Variants in NADK observed in about 807,000 individuals in gnomAD.
NADK encodes the protein poly(P)/ATP NAD kinase.
NADK carries 22 observed loss-of-function variants against 49.8 expected under a neutral mutation model. The observed-to-expected ratio is 0.44, with a 90% CI of 0.32 to 0.63. NADK has a LOEUF of 0.63. Among genes scored for constraint, NADK ranks in the 30% least tolerant of loss-of-function variants. The pLI, the probability that NADK is intolerant of heterozygous loss-of-function variation, is 0.06. For missense variants in NADK, 438 were observed against 609.4 expected, an observed-to-expected ratio of 0.72 and a Z score of 2.96; for synonymous variants, 268 against 253.7, an observed-to-expected ratio of 1.06 and a Z score of -0.54.
intron 1 of NADK, among the ~76,000 whole-genome samples, chr1:1,774,266 T>C (rs757254210): frequency 1.3e-5 from 2 of 151,988 alleles, no homozygotes; most frequent in African/African-American, 2.4e-5. Context: ...GCTTCGCTGA[T>C]GTTGTCCAGG....
chr1:1,772,799 G>C (rs534557550), intron 1 of NADK, among the ~76,000 whole-genome samples: 1 of 152,022 alleles, frequency 6.6e-6, no homozygotes, highest in African/African-American at 2.4e-5. Flanking sequence ...CAGCACTTTC[G>C]GAGGCCAAGG....
intron 2 of NADK, 55 bp from the exon 3 acceptor site, chr1:1,762,090 G>T: frequency 6.9e-7 from 1 of 1,445,470 alleles, no homozygotes. Context: ...GACATGCAGT[G>T]ACAGACACAG....
chr1:1,755,997 C>T (rs1645507076), intron 6 of NADK: 2 of 573,160 alleles, frequency 3.5e-6, no homozygotes, highest in East Asian at 5.8e-5. Context: ...GAGGTCGTTT[C>T]CCAGGACCCA....
intron 1 of NADK, among the ~76,000 whole-genome samples, chr1:1,776,215 T>C (rs1646205610): frequency 2.0e-5 from 3 of 152,120 alleles, no homozygotes; most frequent in South Asian, 2.1e-4. Flanking sequence ...AACTATTGTT[T>C]TCCGTTTTCA....
At chr1:1,776,861 G>A (rs931637031) in intron 1 of NADK, among the ~76,000 whole-genome samples, 2 of 151,350 alleles carry the variant, frequency 1.3e-5, no homozygotes, top group African/African-American at 4.9e-5. Flanking sequence ...AGGATCTCTT[G>A]AGGCCAGGAG....
intron 3 of NADK, chr1:1,759,067 C>T: frequency 6.7e-7 from 1 of 1,497,168 alleles, no homozygotes; most frequent in Non-Finnish European, 9.0e-7. Flanking sequence ...GCACACGGCT[C>T]CCCCTGCTCT....
At chr1:1,764,155 C>T (rs1011559055) in intron 2 of NADK, among the ~76,000 whole-genome samples, 3 of 152,170 alleles carry the variant, frequency 2.0e-5, no homozygotes, top group Non-Finnish European at 2.9e-5. Context: ...ACGTCAGAGG[C>T]GCTACAGGCT....
At chr1:1,755,331 C>G (rs141189970) in intron 7 of NADK, 43 bp downstream of exon 7, 2 of 1,401,084 alleles carry the variant, frequency 1.4e-6, no homozygotes, top group South Asian at 2.3e-5. Context: ...GACAGCAGCG[C>G]CATGATCAGA....
In NADK at chr1:1,755,468, G is replaced by A; in HGVS notation, c.594C>T (p.Val198=). ...LYASSLFQGS[V]PPVMAFHLGS... The stretch of plus-strand genomic sequence containing the variant: ...CCAGGTGGAAGGCCATGACCGGAGG[G>A]ACGCTGCCCTGTGAGCCGACGGAGA... The change falls in exon 7 of 12, where the codon GTC becomes GTT. Residue 198 remains valine (V), a synonymous_variant. Coordinates refer to ENST00000341426, the MANE Select transcript of NADK (RefSeq NM_023018.5). 3 of 1,613,620 alleles carry A rather than the reference G, an allele frequency of 1.9e-6. No individual in the cohort carries two copies. Among genetic ancestry groups the A allele is most frequent in the Non-Finnish European group, 2.5e-6 (3 of 1,179,810 alleles).
At chr1:1,763,693 T>C (rs1645799918) in intron 2 of NADK, among the ~76,000 whole-genome samples, 1 of 151,670 alleles carries the variant, frequency 6.6e-6, no homozygotes, top group South Asian at 2.1e-4. Flanking sequence ...ACTGAAAAGA[T>C]TATTGCGGAA....
chr1:1,761,490 G>C (rs1645724373), intron 3 of NADK, among the ~76,000 whole-genome samples: 1 of 152,186 alleles, frequency 6.6e-6, no homozygotes, highest in Admixed American at 6.5e-5. Context: ...TTTTTCCCAT[G>C]ACACTATGAC....
chr1:1,759,883 C>T (rs748631784), intron 3 of NADK: 12 of 1,550,550 alleles, frequency 7.7e-6, no homozygotes, highest in East Asian at 4.9e-5. Context: ...AGCTGAGATG[C>T]GAGTGACAAA....
chr1:1,775,455 T>A (rs1646184949), intron 1 of NADK, among the ~76,000 whole-genome samples: 1 of 152,212 alleles, frequency 6.6e-6, no homozygotes, highest in Non-Finnish European at 1.5e-5. Context: ...CGGTAAATAA[T>A]GCCCAGTGCT....
At chr1:1,760,054 G>C (rs1645668294) in intron 3 of NADK, among the ~76,000 whole-genome samples, 1 of 152,218 alleles carries the variant, frequency 6.6e-6, no homozygotes, top group Non-Finnish European at 1.5e-5. Flanking sequence ...CGTGGCTGCT[G>C]TGCAGGGAAG....
chr1:1,776,413 C>T (rs1353374508), intron 1 of NADK, among the ~76,000 whole-genome samples: 1 of 152,122 alleles, frequency 6.6e-6, no homozygotes, highest in African/African-American at 2.4e-5. Flanking sequence ...TGGAACCAAA[C>T]AGCAGGCTGC....
chr1:1,753,586 CTT>C lies in NADK; in HGVS notation c.1163_1164del (p.Gln388ArgfsTer31), dbSNP rs1483952644. 2.4e-5 allele frequency: 39 copies of C among 1,612,566 alleles called. No homozygotes were observed. The Admixed American group carries it at 2.8e-4, about 12-fold the overall frequency. The part of the protein sequence containing the change: ...AWVSFDGRKR[Q>X]EIRHGDSISI... ...CCACACCTGTCTCCATGGCGGATCT[CTT>C]GTCTCTTCCGTCCATCAAAGGACAC... On this transcript the variant is annotated frameshift_variant, in exon 11 of 12. Coordinates refer to ENST00000341426, the MANE Select transcript of NADK (RefSeq NM_023018.5). LOFTEE classifies it high-confidence loss of function.
intron 1 of NADK, among the ~76,000 whole-genome samples, chr1:1,773,114 T>C (rs1042477089): frequency 6.6e-6 from 1 of 151,790 alleles, no homozygotes; most frequent in African/African-American, 2.4e-5. Context: ...GTACTATTTT[T>C]ACAACTTCCT....
chr1:1,755,894 C>T (rs1413203077), intron 6 of NADK: 1 of 457,806 alleles, frequency 2.2e-6, no homozygotes, highest in South Asian at 2.6e-5. Context: ...GTCCCCCACA[C>T]AGCGTGGCCC....
intron 4 of NADK, 107 bp downstream of exon 4, chr1:1,757,074 G>A (rs4648624): frequency 4.7e-6 from 7 of 1,494,742 alleles, no homozygotes; most frequent in Non-Finnish European, 6.4e-6. Context: ...AGCAGCCGTT[G>A]CCCAGCACTT....
Sources: gnomAD v4.1 joint callset for allele counts (sites outside exome capture counted in the v4.1 genomes callset) on GRCh38, gnomAD v4.1.1 for gene constraint, MANE v1.5 for transcripts, NCBI Gene and HGNC (gene_info 2026-07-23, HGNC 2026-07-21) for gene names.